The following TMEM94 variants were observed in gnomAD, a reference collection of about 807,000 sequenced individuals.
TMEM94 encodes the protein ER Mg2+ ATPase.
In TMEM94, 81 loss-of-function variants were observed where a neutral mutation model predicts 158.6. That is an observed-to-expected ratio of 0.51 (90% CI 0.43 to 0.61). The LOEUF (loss-of-function observed/expected upper bound fraction) is 0.61, where lower values mean the gene tolerates loss of function less well. Ranked by LOEUF, TMEM94 falls within the 20% of genes least tolerant of loss-of-function variation. The pLI, the probability that TMEM94 is intolerant of heterozygous loss-of-function variation, is 0.00. For missense variants in TMEM94, 1,435 were observed against 1,762.0 expected, an observed-to-expected ratio of 0.81 and a Z score of 3.32; for synonymous variants, 751 against 730.7, an observed-to-expected ratio of 1.03 and a Z score of -0.45.
intron 2 of TMEM94, among the ~76,000 whole-genome samples, chr17:75,479,889 A>G (rs2051023815): frequency 6.6e-6 from 1 of 152,040 alleles, no homozygotes; most frequent in African/African-American, 2.4e-5. Context: ...TTACATTCCA[A>G]CTTGGGCAAC....
intron 2 of TMEM94, among the ~76,000 whole-genome samples, chr17:75,474,169 C>T (rs2050591175): frequency 6.6e-6 from 1 of 151,986 alleles, no homozygotes; most frequent in Non-Finnish European, 1.5e-5. Flanking sequence ...CCTGGTAGGG[C>T]CTCTAGCTGA....
At chr17:75,475,413 C>T (rs1440082959) in intron 2 of TMEM94, among the ~76,000 whole-genome samples, 1 of 152,200 alleles carries the variant, frequency 6.6e-6, no homozygotes, top group East Asian at 1.9e-4. Flanking sequence ...GAAACATGCT[C>T]AGGCTCCAGC....
intron 1 of TMEM94, among the ~76,000 whole-genome samples, chr17:75,458,056 A>G (rs369415429): frequency 1.3e-5 from 2 of 152,298 alleles, no homozygotes; most frequent in East Asian, 3.9e-4. Context: ...TTCTTGTATT[A>G]ATATTCATTG....
intron 1 of TMEM94, among the ~76,000 whole-genome samples, 156 bp from the exon 2 acceptor site, chr17:75,471,644 A>C (rs986203313): frequency 2.0e-5 from 3 of 151,404 alleles, no homozygotes; most frequent in African/African-American, 7.3e-5. Context: ...AACCCAGGAG[A>C]CAGAGTTTGC....
intron 1 of TMEM94, among the ~76,000 whole-genome samples, chr17:75,462,001 G>GTTTTTTTTTTTTTTTTTTTTTTT (rs1230233393): frequency 3.5e-5 from 3 of 85,690 alleles, no homozygotes; most frequent in Non-Finnish European, 4.1e-5. Flanking sequence ...TTTTTGTTTT[G>GTTTTTTTTTTTTTTTTTTTTTTT]TTTTGTTTTG....
intron 24 of TMEM94, 41 bp downstream of exon 24, chr17:75,496,512 G>C: frequency 6.3e-7 from 1 of 1,592,700 alleles, no homozygotes; most frequent in Non-Finnish European, 8.6e-7. Flanking sequence ...ACGCAGGACA[G>C]GACCCGCCTG....
At chr17:75,474,530 A>G (rs2050605709) in intron 2 of TMEM94, among the ~76,000 whole-genome samples, 2 of 152,104 alleles carry the variant, frequency 1.3e-5, no homozygotes, top group African/African-American at 4.8e-5. Context: ...AATCCCAGCT[A>G]TTTGGGAGGC....
At chr17:75,468,727 G>A (rs905167997) in intron 1 of TMEM94, among the ~76,000 whole-genome samples, 4 of 152,206 alleles carry the variant, frequency 2.6e-5, no homozygotes, top group Admixed American at 6.5e-5. Context: ...GGAATTGGGC[G>A]GGGTTTTGGA....
intron 1 of TMEM94, among the ~76,000 whole-genome samples, chr17:75,463,061 TATATATATATATATATATACAC>T (rs1261241081): frequency 6.7e-5 from 1 of 15,022 alleles, no homozygotes; most frequent in South Asian, 2.6e-3. Flanking sequence ...TATATATATA[TATATATATATATATATATACAC>T]ACACACACAC....
At chr17:75,484,632 A>C (rs1012460879) in intron 2 of TMEM94, among the ~76,000 whole-genome samples, 1 of 151,808 alleles carries the variant, frequency 6.6e-6, no homozygotes, top group Non-Finnish European at 1.5e-5. Flanking sequence ...CTTAGGTTCG[A>C]GTGATCCACC....
chr17:75,470,654 G>A (rs1350607786), intron 1 of TMEM94, among the ~76,000 whole-genome samples: 2 of 151,132 alleles, frequency 1.3e-5, no homozygotes, highest in African/African-American at 4.9e-5. Context: ...GCAGTGAGCC[G>A]AGATCGCGCC....
At chr17:75,482,198 T>C (rs2051212874) in intron 2 of TMEM94, among the ~76,000 whole-genome samples, 2 of 151,832 alleles carry the variant, frequency 1.3e-5, no homozygotes, top group South Asian at 4.1e-4. Flanking sequence ...AAAAAAAAAT[T>C]AGCCGGGCGT....
In TMEM94 at chr17:75,485,940, C is replaced by A; in HGVS notation, c.214C>A (p.Leu72Ile). ...CSCFHWPGAS[L>I]MLLAVLLLLG... ...CTGCTTCCACTGGCCGGGGGCCTCA[C>A]TCATGCTACTGGCCGTGCTGCTGCT... Residue 72 changes from leucine to isoleucine, a missense_variant, in exon 4 of 32, where the codon CTC becomes ATC. This residue lies in a region of TMEM94 where 1,051 missense variants were observed against 1,254.4 expected (regional missense o/e 0.84). Coordinates refer to ENST00000314256, the MANE Select transcript of TMEM94 (RefSeq NM_014738.6). The surrounding 1 kb of genome is among the most constrained non-coding windows in gnomAD (Gnocchi z 5.5). The A allele has an allele frequency of 6.2e-7, 1 of 1,613,804 alleles. No individual in the cohort carries two copies. Among genetic ancestry groups the A allele is most frequent in the South Asian group, 1.1e-5 (1 of 91,054 alleles).
chr17:75,466,389 G>A (rs2050308013), intron 1 of TMEM94, among the ~76,000 whole-genome samples: 1 of 152,252 alleles, frequency 6.6e-6, no homozygotes, highest in Non-Finnish European at 1.5e-5. Context: ...TTCAAATCAG[G>A]TAGTGTAAGT....
chr17:75,463,104 G>GTGTATATA (rs1555620584), intron 1 of TMEM94, among the ~76,000 whole-genome samples: 1 of 8,774 alleles, frequency 1.1e-4, no homozygotes, highest in Admixed American at 7.0e-4. Context: ...ATATATATGT[G>GTGTATATA]TGTATATATA....
In TMEM94 at chr17:75,489,362, G is replaced by T. The variant is rs1457835769; in HGVS notation, c.861G>T (p.Val287=). The stretch of plus-strand genomic sequence containing the variant: ...TGATGCTACACTATGCTGTGCCCGT[G>T]GTCCTGGTGCGTGTGGCGGGGCTGT... ...QSVMLHYAVP[V]VLAGFLITNA... Residue 287 remains valine, a synonymous_variant, in exon 8 of 32, where the codon GTG becomes GTT. Transcript: ENST00000314256. This position sits in a 1 kb window ranked among gnomAD's most constrained non-coding sequence, Gnocchi z 5.0. 3 of 1,614,028 alleles carry T rather than the reference G, an allele frequency of 1.9e-6. No individual in the cohort carries two copies. The African/African-American group carries it at 4.0e-5, about 22-fold the overall frequency.
chr17:75,479,620 C>CA, intron 2 of TMEM94, among the ~76,000 whole-genome samples: 1 of 150,806 alleles, frequency 6.6e-6, no homozygotes, highest in East Asian at 2.1e-4. Flanking sequence ...GCCCGGCCTA[C>CA]AAAAAAATTT....
chr17:75,493,469 G>A (rs1332957519), intron 16 of TMEM94, 22 bp from the exon 17 acceptor site: 2 of 1,610,702 alleles, frequency 1.2e-6, no homozygotes, highest in African/African-American at 1.3e-5. Context: ...GCGACACTCA[G>A]GGTTTGAACT....
intron 1 of TMEM94, among the ~76,000 whole-genome samples, chr17:75,458,073 C>G (rs910096069): frequency 3.9e-5 from 6 of 152,130 alleles, no homozygotes; most frequent in African/African-American, 1.2e-4. Flanking sequence ...ATTGTAGTCT[C>G]TGTCTGTATT....
Sources: allele counts gnomAD v4.1 joint callset (sites outside exome capture counted in the v4.1 genomes callset), GRCh38; gene constraint gnomAD v4.1.1; regional missense constraint gnomAD v4.1.1; non-coding constraint Gnocchi (gnomAD v3.1); transcripts MANE v1.5; gene names NCBI Gene and HGNC (gene_info 2026-07-23, HGNC 2026-07-21).